The following CSMD1 variants were observed in gnomAD, a reference collection of about 807,000 sequenced individuals.
The protein encoded by CSMD1 is CUB and Sushi multiple domains 1, also known as CUB and sushi domain-containing protein 1.
CSMD1 carries 213 observed loss-of-function variants against 417.5 expected under a neutral mutation model. The observed-to-expected ratio is 0.51, with a 90% CI of 0.46 to 0.57. The LOEUF (loss-of-function observed/expected upper bound fraction) is 0.57. CSMD1 is among the 20% of genes least tolerant of loss of function. The pLI is 0.00. For synonymous variants in CSMD1, 2,862 were observed against 1,736.8 expected (o/e 1.65, Z -16.11); for missense variants, 6,923 against 4,529.7 (o/e 1.53, Z -15.17).
chr8:4,715,789 C>T (rs192764393), intron 1 of CSMD1, among the ~76,000 whole-genome samples: 229 of 152,242 alleles, frequency 1.5e-3, no homozygotes, highest in African/African-American at 5.2e-3. Flanking sequence ...CCCTTCAAAA[C>T]GAGCCCGTCC....
chr8:3,719,042 G>A (rs896183081), intron 6 of CSMD1, among the ~76,000 whole-genome samples: 3 of 152,108 alleles, frequency 2.0e-5, no homozygotes, highest in Non-Finnish European at 4.4e-5. Flanking sequence ...TGCACTCTAC[G>A]TATTGAGATG....
chr8:3,798,330 G>C (rs80027373), intron 5 of CSMD1, among the ~76,000 whole-genome samples: 2,292 of 152,062 alleles, frequency 0.015, 59 homozygotes, highest in African/African-American at 0.051. Context: ...AGACAACTCA[G>C]TATATCTGAT....
intron 1 of CSMD1, among the ~76,000 whole-genome samples, chr8:4,972,455 C>T (rs1165147144): frequency 1.3e-5 from 2 of 152,146 alleles, no homozygotes; most frequent in Non-Finnish European, 2.9e-5. Context: ...GGTAGTTCTT[C>T]CTGTGTTCAT....
At chr8:3,895,951 C>T (rs1283063350) in intron 5 of CSMD1, among the ~76,000 whole-genome samples, 1 of 152,206 alleles carries the variant, frequency 6.6e-6, no homozygotes, top group Non-Finnish European at 1.5e-5. Flanking sequence ...TTAGGTCCCA[C>T]TTGTAAAAGA....
chr8:3,348,831 C>A (rs117045728), intron 21 of CSMD1, among the ~76,000 whole-genome samples: 1,932 of 152,318 alleles, frequency 0.013, 22 homozygotes, highest in Non-Finnish European at 0.021. Flanking sequence ...AGTGAAAATA[C>A]ATACAACTCT....
intron 2 of CSMD1, among the ~76,000 whole-genome samples, chr8:4,585,821 T>A (rs1403071519): frequency 6.6e-6 from 1 of 152,212 alleles, no homozygotes; most frequent in East Asian, 1.9e-4. Context: ...AAATACTCTT[T>A]AGTCCTTTTC....
chr8:3,929,629 A>G lies in CSMD1; in HGVS notation c.818+68274T>C, dbSNP rs1046701700. Among the ~76,000 whole-genome samples, 4 of 149,694 alleles carry G rather than the reference A, an allele frequency of 2.7e-5. 1 individual carries two copies. The highest frequency in any genetic ancestry group is 5.9e-5 in the Non-Finnish European group (4 of 67,416). ...TTATTTTGTCTTTAAAAGGAAGAGT[A>G]TATTGTTTCAAAACATATTTGTATG... On this transcript the variant is annotated intron_variant, in intron 5 of 69. Transcript: ENST00000635120.
intron 1 of CSMD1, among the ~76,000 whole-genome samples, chr8:4,821,416 G>A (rs533828351): frequency 6.6e-6 from 1 of 152,238 alleles, no homozygotes; most frequent in South Asian, 2.1e-4. Context: ...CTTCTTCAGT[G>A]TTTTGATAGA....
chr8:3,550,407 G>C (rs1485301366), intron 10 of CSMD1, among the ~76,000 whole-genome samples: 1 of 152,124 alleles, frequency 6.6e-6, no homozygotes, highest in Non-Finnish European at 1.5e-5. Context: ...CAACCTCCAA[G>C]GCATGGCTCA....
Position 4,731,324 on chromosome 8 carries a change from C to T in CSMD1, c.86-93766G>A, listed in dbSNP as rs146680003. 5.9e-5 allele frequency among the ~76,000 whole-genome samples: 9 copies of T among 152,224 alleles called. No individual in the cohort carries two copies. The East Asian group carries it at 1.7e-3, about 29-fold the overall frequency. ...GTCTTTGGAATCAGCAGTTTTTGCT[C>T]CCACCTCATAAGCTTACCGGCCATT... On this transcript the variant is annotated intron_variant, in intron 1 of 69. Transcript: ENST00000635120.
At chr8:4,609,304 G>C (rs1250635513) in intron 2 of CSMD1, among the ~76,000 whole-genome samples, 1 of 152,186 alleles carries the variant, frequency 6.6e-6, no homozygotes, top group East Asian at 1.9e-4. Flanking sequence ...AGGAGGCTGA[G>C]GTGGGAGGAT....
intron 68 of CSMD1, among the ~76,000 whole-genome samples, chr8:2,944,999 C>T (rs932959575): frequency 6.6e-6 from 1 of 152,098 alleles, no homozygotes. Context: ...ATTACATAAC[C>T]AAACTTACCG....
chr8:3,538,570 T>A (rs1798304466), intron 10 of CSMD1, among the ~76,000 whole-genome samples: 1 of 152,264 alleles, frequency 6.6e-6, no homozygotes, highest in Admixed American at 6.5e-5. Flanking sequence ...TAACCTGAGT[T>A]GCCTCCCCTG....
chr8:4,180,378 G>C (rs1474863819), intron 3 of CSMD1, among the ~76,000 whole-genome samples: 1 of 143,282 alleles, frequency 7.0e-6, no homozygotes, highest in Non-Finnish European at 1.5e-5. Context: ...ATTGAAAAAT[G>C]AGAACACATG....
intron 12 of CSMD1, among the ~76,000 whole-genome samples, chr8:3,413,747 G>C (rs965767635): frequency 6.6e-6 from 1 of 152,188 alleles, no homozygotes; most frequent in South Asian, 2.1e-4. Context: ...CCTTCAGGTA[G>C]AGTAGAAGAT....
At chr8:3,015,161 T>C (rs184378919) in intron 52 of CSMD1, among the ~76,000 whole-genome samples, 1 of 151,978 alleles carries the variant, frequency 6.6e-6, no homozygotes, top group Admixed American at 6.6e-5. Context: ...ATGAATTTGG[T>C]TCTTGTTTCA....
At chr8:3,630,805 G>C (rs995065051) in intron 7 of CSMD1, among the ~76,000 whole-genome samples, 3 of 152,164 alleles carry the variant, frequency 2.0e-5, no homozygotes, top group Non-Finnish European at 2.9e-5. Flanking sequence ...ATCACGATTT[G>C]GAAGGTCAAG....
At chr8:3,941,715 T>C (rs1053571248) in intron 5 of CSMD1, among the ~76,000 whole-genome samples, 2 of 152,196 alleles carry the variant, frequency 1.3e-5, no homozygotes, top group Admixed American at 6.5e-5. Context: ...ATGTTATTTA[T>C]TTATTTTTTA....
At chr8:3,082,390 C>T (rs1210749689) in intron 49 of CSMD1, among the ~76,000 whole-genome samples, 3 of 152,202 alleles carry the variant, frequency 2.0e-5, no homozygotes, top group Non-Finnish European at 2.9e-5. Flanking sequence ...TCCAACCCAT[C>T]GTCCTCCACC....
Sources: allele counts gnomAD v4.1 joint callset (sites outside exome capture counted in the v4.1 genomes callset), GRCh38; gene constraint gnomAD v4.1.1; transcripts MANE v1.5; gene names NCBI Gene and HGNC (gene_info 2026-07-23, HGNC 2026-07-21).